RBFOX1: variants seen among roughly 807,000 people sequenced by gnomAD.
The protein encoded by RBFOX1 is RNA binding protein fox-1 homolog 1.
RBFOX1 carries 8 observed loss-of-function variants against 57.7 expected under a neutral mutation model. The observed-to-expected ratio is 0.14, with a 90% CI of 0.08 to 0.25. The LOEUF (loss-of-function observed/expected upper bound fraction) is 0.25, where lower values mean the gene tolerates loss of function less well. Ranked by LOEUF, RBFOX1 falls within the 10% of genes least tolerant of loss-of-function variation. The probability of loss-of-function intolerance (pLI) is 1.00; values close to 1 mark genes in which losing one functional copy is unlikely to be tolerated. For synonymous variants in RBFOX1, 326 were observed against 222.4 expected, an observed-to-expected ratio of 1.47 and a Z score of -4.15; for missense variants, 611 against 548.5, an observed-to-expected ratio of 1.11 and a Z score of -1.14.
chr16:5,498,541 G>A (rs996988194), intron 2 of RBFOX1, among the ~76,000 whole-genome samples: 5 of 152,298 alleles, frequency 3.3e-5, no homozygotes, highest in Non-Finnish European at 5.9e-5. Context: ...GCTGCAAGGA[G>A]AATAAAGGGT....
intron 2 of RBFOX1, among the ~76,000 whole-genome samples, chr16:6,615,074 T>TG (rs1218759553): frequency 1.3e-5 from 2 of 152,182 alleles, no homozygotes; most frequent in African/African-American, 2.4e-5. Flanking sequence ...GAGGGCCATG[T>TG]GGATGGTATC....
intron 3 of RBFOX1, among the ~76,000 whole-genome samples, chr16:6,994,112 C>A (rs768068329): frequency 6.6e-6 from 1 of 152,054 alleles, no homozygotes; most frequent in African/African-American, 2.4e-5. Flanking sequence ...ATGATATCTG[C>A]CCGTGATGAG....
intron 2 of RBFOX1, among the ~76,000 whole-genome samples, chr16:5,472,550 C>A (rs1252412888): frequency 1.2e-4 from 19 of 152,058 alleles, no homozygotes. Context: ...TCAGGAGGGT[C>A]CGTGTGCATG....
chr16:5,547,296 A>T (rs2045249524), intron 2 of RBFOX1, among the ~76,000 whole-genome samples: 1 of 152,208 alleles, frequency 6.6e-6, no homozygotes, highest in Non-Finnish European at 1.5e-5. Context: ...AACAACACAC[A>T]TGTGCATGAA....
At chr16:7,460,389 ATGTGTGTGTGTGTGTGTGTG>A (rs1235047786) in intron 4 of RBFOX1, among the ~76,000 whole-genome samples, 7 of 87,254 alleles carry the variant, frequency 8.0e-5, no homozygotes, top group East Asian at 4.2e-4. Context: ...ATATATATAT[ATGTGTGTGTGTGTGTGTGTG>A]TGTGTGTGTA....
At chr16:7,127,217 A>C (rs2068827052) in intron 4 of RBFOX1, among the ~76,000 whole-genome samples, 1 of 152,130 alleles carries the variant, frequency 6.6e-6, no homozygotes. Context: ...AAAGCATAAA[A>C]TCGTTATTCA....
intron 4 of RBFOX1, among the ~76,000 whole-genome samples, chr16:7,073,128 T>C (rs1229970859): frequency 1.3e-5 from 2 of 152,302 alleles, no homozygotes; most frequent in Non-Finnish European, 2.9e-5. Context: ...AGTGTGTATC[T>C]TAGGGCAAGG....
intron 3 of RBFOX1, among the ~76,000 whole-genome samples, chr16:5,659,229 T>G (rs1333963223): frequency 6.6e-6 from 1 of 152,146 alleles, no homozygotes; most frequent in Admixed American, 6.6e-5. Flanking sequence ...TATTCTTTTA[T>G]GGTTTTGATT....
chr16:7,250,273 T>A (rs1412147951), intron 4 of RBFOX1, among the ~76,000 whole-genome samples: 1 of 152,228 alleles, frequency 6.6e-6, no homozygotes, highest in Non-Finnish European at 1.5e-5. Context: ...AAAATAACAC[T>A]GAAGAGTAAA....
chr16:5,416,843 A>C (rs1385053691), intron 1 of RBFOX1, among the ~76,000 whole-genome samples: 2 of 152,116 alleles, frequency 1.3e-5, no homozygotes, highest in African/African-American at 2.4e-5. Flanking sequence ...CAGTAAGAGG[A>C]GGGAAGTGTA....
chr16:7,609,306 T>A (rs1364098580), intron 10 of RBFOX1, among the ~76,000 whole-genome samples: 1 of 152,220 alleles, frequency 6.6e-6, no homozygotes, highest in Non-Finnish European at 1.5e-5. Flanking sequence ...TTTCTGGTCC[T>A]GTGCGATGGA....
intron 2 of RBFOX1, among the ~76,000 whole-genome samples, chr16:5,554,687 C>T (rs1352601761): frequency 6.6e-6 from 1 of 152,104 alleles, no homozygotes; most frequent in Non-Finnish European, 1.5e-5. Flanking sequence ...AGTATTGCAA[C>T]CTATTCCCAG....
At chr16:7,175,715 C>T (rs533120010) in intron 4 of RBFOX1, among the ~76,000 whole-genome samples, 1 of 152,324 alleles carries the variant, frequency 6.6e-6, no homozygotes, top group South Asian at 2.1e-4. Context: ...TTACCTCTTC[C>T]AGCCACGCAG....
At chr16:7,149,744 G>A (rs74009253) in intron 4 of RBFOX1, among the ~76,000 whole-genome samples, 22,918 of 151,658 alleles carry the variant, frequency 0.15, 1,816 homozygotes, top group East Asian at 0.25. Context: ...CTCTACACCC[G>A]CCTCTACCCC....
At chr16:6,775,840 A>C (rs1313521710) in intron 3 of RBFOX1, 1 of 152,194 alleles carries the variant, frequency 6.6e-6, no homozygotes, top group East Asian at 1.9e-4. Flanking sequence ...TATGAAAATC[A>C]GTTATTGTTG....
intron 2 of RBFOX1, among the ~76,000 whole-genome samples, chr16:6,649,524 CTT>C (rs1391399653): frequency 2.6e-5 from 4 of 152,240 alleles, no homozygotes; most frequent in Non-Finnish European, 5.9e-5. Context: ...CTCCCCGACA[CTT>C]TCCCCTGAGT....
At chr16:5,813,458 A>G (rs1017024893) in intron 3 of RBFOX1, among the ~76,000 whole-genome samples, 1 of 152,178 alleles carries the variant, frequency 6.6e-6, no homozygotes, top group Non-Finnish European at 1.5e-5. Context: ...TATCTATACA[A>G]TGGAATATGA....
At chr16:5,528,070 G>C (rs915187413) in intron 2 of RBFOX1, among the ~76,000 whole-genome samples, 9 of 152,116 alleles carry the variant, frequency 5.9e-5, no homozygotes, top group Non-Finnish European at 1.3e-4. Context: ...TTACTGCATG[G>C]ATTTAGTCGT....
rs2059422399 is a variant in RBFOX1, at chr16:5,947,417, G to C, written c.351+80082G>C. Among the ~76,000 whole-genome samples, 2 of 152,236 alleles carry C rather than the reference G, an allele frequency of 1.3e-5. 1 individual carries two copies. Among genetic ancestry groups the C allele is most frequent in the South Asian group, 4.2e-4 (2 of 4,816 alleles). On this transcript the variant is annotated intron_variant, in intron 4 of 19. Coordinates refer to the RBFOX1 transcript ENST00000641259. The surrounding 1 kb of genome is among the most constrained non-coding windows in gnomAD (Gnocchi z 7.2). ...CAGGGTCTTGCTCTCGCTCAGACTG[G>C]AGTGCATTGGTATGATCATGGCTCA...
Sources: gnomAD v4.1 joint callset for allele counts (sites outside exome capture counted in the v4.1 genomes callset) on GRCh38, gnomAD v4.1.1 for gene constraint, Gnocchi (gnomAD v3.1) non-coding constraint, MANE v1.5 for transcripts, NCBI Gene and HGNC (gene_info 2026-07-23, HGNC 2026-07-21) for gene names.